FBXL5: variants seen among roughly 807,000 people sequenced by gnomAD.
The protein encoded by FBXL5 is F-box and leucine rich repeat protein 5, also known as F-box/LRR-repeat protein 5.
FBXL5 carries 26 observed loss-of-function variants against 78.3 expected under a neutral mutation model. The observed-to-expected ratio is 0.33, with a 90% CI of 0.24 to 0.46. The LOEUF is 0.46. Ranked by LOEUF, FBXL5 falls within the 20% of genes least tolerant of loss-of-function variation. The pLI is 1.00. For synonymous variants in FBXL5, 295 were observed against 282.5 expected (o/e 1.04, Z -0.45); for missense variants, 710 against 829.2 (o/e 0.86, Z 1.77).
At chr4:15,641,936 G>A (rs997551707) in intron 2 of FBXL5, among the ~76,000 whole-genome samples, 1 of 151,928 alleles carries the variant, frequency 6.6e-6, no homozygotes, top group African/African-American at 2.4e-5. Flanking sequence ...CTGAGGCACG[G>A]AGAACTGCTT....
intron 9 of FBXL5, among the ~76,000 whole-genome samples, chr4:15,621,063 A>C (rs986325174): frequency 2.6e-5 from 4 of 151,590 alleles, no homozygotes; most frequent in Non-Finnish European, 5.9e-5. Flanking sequence ...CCCACTTCAC[A>C]CCTCTATATT....
chr4:15,651,926 G>A (rs1716114805), intron 1 of FBXL5, among the ~76,000 whole-genome samples: 1 of 152,160 alleles, frequency 6.6e-6, no homozygotes, highest in Non-Finnish European at 1.5e-5. Context: ...ACACTTTAAT[G>A]TGGAGCTGAC....
chr4:15,628,785 A>ACACACACACACG lies in FBXL5; in HGVS notation c.893-753_893-752insCGTGTGTGTGTG, dbSNP rs10682962. Among the ~76,000 whole-genome samples the ACACACACACACG allele has an allele frequency of 4.5e-3, 446 of 98,226 alleles. 4 individuals carry two copies. Among genetic ancestry groups the ACACACACACACG allele is most frequent in the African/African-American group, 0.013 (396 of 29,462 alleles). 64.4% of individuals were successfully genotyped at this position (98,226 alleles called of 152,430 possible). A position where few individuals can be genotyped will look rare whatever the true frequency, so the allele number is the denominator to read the frequency against. The stretch of plus-strand genomic sequence containing the variant: ...TAGCCAGACACAGACACACACACAC[A>ACACACACACACG]CACGCACACACACACACACGAAGAT... On this transcript the variant is annotated intron_variant, in intron 6 of 10. Coordinates refer to ENST00000341285, the MANE Select transcript of FBXL5 (RefSeq NM_012161.4).
chr4:15,654,522 T>C (rs773534716), intron 1 of FBXL5, among the ~76,000 whole-genome samples: 1 of 152,184 alleles, frequency 6.6e-6, no homozygotes, highest in Admixed American at 6.5e-5. Context: ...TGCTGTCTTA[T>C]AACAAAATCT....
chr4:15,646,183 G>C (rs1013085114), intron 1 of FBXL5, among the ~76,000 whole-genome samples: 4 of 152,176 alleles, frequency 2.6e-5, no homozygotes, highest in Admixed American at 2.6e-4. Context: ...ATGAATGACT[G>C]TAGCTGTATT....
chr4:15,637,038 TAG>T (rs1187291344), intron 4 of FBXL5, among the ~76,000 whole-genome samples: 5 of 152,202 alleles, frequency 3.3e-5, no homozygotes, highest in Non-Finnish European at 5.9e-5. Flanking sequence ...TCAACAAGTA[TAG>T]AGTCAGCCAG....
At chr4:15,636,759 A>C in intron 4 of FBXL5, 83 bp from the exon 5 acceptor site, 1 of 1,010,920 alleles carries the variant, frequency 9.9e-7, no homozygotes, top group Non-Finnish European at 1.4e-6. Flanking sequence ...CTATAAACAA[A>C]ATCCAGTGCC....
chr4:15,670,922 T>TC (rs1323335957), intron 1 of FBXL5, among the ~76,000 whole-genome samples: 1 of 136,854 alleles, frequency 7.3e-6, no homozygotes, highest in African/African-American at 2.8e-5. Flanking sequence ...GACTTTTTTT[T>TC]TTTTTTTTTT....
intron 1 of FBXL5, among the ~76,000 whole-genome samples, chr4:15,673,854 G>A (rs1196827001): frequency 2.6e-5 from 4 of 152,134 alleles, no homozygotes; most frequent in African/African-American, 9.7e-5. Context: ...CCCTCTCCCT[G>A]TACTATGGCT....
At chr4:15,657,842 GTTA>G (rs1717079850), upstream of FBXL5, among the ~76,000 whole-genome samples, 1 of 152,184 alleles carries the variant, frequency 6.6e-6, no homozygotes, top group Non-Finnish European at 1.5e-5. Flanking sequence ...ATTTGGGAGG[GTTA>G]TTAAGACCAA....
intron 9 of FBXL5, among the ~76,000 whole-genome samples, chr4:15,623,270 T>C (rs1712668837): frequency 6.6e-6 from 1 of 152,062 alleles, no homozygotes; most frequent in South Asian, 2.1e-4. Context: ...TTCATCAAAA[T>C]TTTGACTGCC....
In FBXL5 at chr4:15,625,447, C is replaced by A; in HGVS notation, c.1655G>T (p.Cys552Phe). 7 of 1,613,960 alleles carry A rather than the reference C, an allele frequency of 4.3e-6. No homozygotes were observed. The highest frequency in any genetic ancestry group is 5.9e-6 in the Non-Finnish European group (7 of 1,179,950). Residue 552 changes from cysteine to phenylalanine, a missense_variant, in exon 9 of 11, where the codon TGT (cysteine) becomes TTT (phenylalanine). Coordinates refer to ENST00000341285, the MANE Select transcript of FBXL5 (RefSeq NM_012161.4). ...CATAGTTCTTAAAGCTGTTCCTGTACAACAAAATGAGTGACCACAATACGC... is the reference window on the plus strand; with the variant it reads ...CATAGTTCTTAAAGCTGTTCCTGTAAAACAAAATGAGTGACCACAATACGC... ...AFAYCGHSFC[C>F]TGTALRTMSS...
chr4:15,644,185 A>G (rs1326123959), intron 2 of FBXL5, among the ~76,000 whole-genome samples: 1 of 152,198 alleles, frequency 6.6e-6, no homozygotes, highest in East Asian at 1.9e-4. Context: ...TAGTTAGTCT[A>G]GCAAGAATCC....
At position 15,627,129 on chromosome 4, in the gene FBXL5, CTCTT is replaced by C. The variant is rs763287146; in HGVS notation, c.1042-178_1042-175del. On this transcript the variant is annotated intron_variant, in intron 7 of 10. Transcript: ENST00000341285. ...ATTCTGGGCTCAAATCCCTGAGAAT[CTCTT>C]TTTTTTTTTTTTTTTTTTTGAGACA... 5.5e-3 allele frequency among the ~76,000 whole-genome samples: 467 copies of C among 85,674 alleles called. 1 individual carries two copies. Among genetic ancestry groups the C allele is most frequent in the African/African-American group, 0.023 (446 of 19,700 alleles). 56.2% of individuals were successfully genotyped at this position (85,674 alleles called of 152,430 possible).
chr4:15,632,265 T>C (rs534492404), intron 5 of FBXL5, among the ~76,000 whole-genome samples: 7 of 152,280 alleles, frequency 4.6e-5, no homozygotes, highest in Admixed American at 3.9e-4. Flanking sequence ...TCTGTTCCAT[T>C]GGTCTATATC....
intron 1 of FBXL5, among the ~76,000 whole-genome samples, chr4:15,650,318 A>G (rs1318980667): frequency 6.6e-6 from 1 of 152,226 alleles, no homozygotes; most frequent in African/African-American, 2.4e-5. Context: ...AATATAGTGC[A>G]ATCCAGATTC....
chr4:15,673,286 A>G (rs1717839979), intron 1 of FBXL5, among the ~76,000 whole-genome samples: 1 of 151,106 alleles, frequency 6.6e-6, no homozygotes, highest in South Asian at 2.1e-4. Context: ...CAAAAAATAC[A>G]AAAAATTAGC....
chr4:15,661,448 G>A (rs1411327369), upstream of FBXL5, among the ~76,000 whole-genome samples: 1 of 152,182 alleles, frequency 6.6e-6, no homozygotes, highest in Non-Finnish European at 1.5e-5. Flanking sequence ...CCTGTAAAAT[G>A]AGCAGATTGG....
chr4:15,630,707 G>A lies in FBXL5; in HGVS notation c.851C>T (p.Ala284Val). Residue 284 changes from alanine to valine, a missense_variant, in exon 6 of 11, where the codon GCT (alanine) becomes GTT (valine). Ala to Val is a moderately conservative substitution (Grantham distance 64, BLOSUM62 0). This residue lies in a region of FBXL5 where 517 missense variants were observed against 542.9 expected (regional missense o/e 0.95). Coordinates refer to ENST00000341285, the MANE Select transcript of FBXL5 (RefSeq NM_012161.4). ...AGCATCTTCATCCCACTCATGAAAA[G>A]CACGACTTTCATCTTTCCTATTTTT... is the stretch of plus-strand genomic sequence containing the variant. ...WVKNRKDESR[A>V]FHEWDEDADI... 1 of 1,601,024 alleles carries A rather than the reference G, an allele frequency of 6.2e-7. No homozygotes were observed. Among genetic ancestry groups the A allele is most frequent in the Non-Finnish European group, 8.5e-7 (1 of 1,176,502 alleles).
Sources: allele counts gnomAD v4.1 joint callset (sites outside exome capture counted in the v4.1 genomes callset), GRCh38; gene constraint gnomAD v4.1.1; regional missense constraint gnomAD v4.1.1; transcripts MANE v1.5; gene names NCBI Gene and HGNC (gene_info 2026-07-23, HGNC 2026-07-21).